Variants in MAD1L1 observed in about 807,000 individuals in gnomAD.
MAD1L1 encodes the protein mitotic arrest deficient 1 like 1, also known as mitotic spindle assembly checkpoint protein MAD1.
A neutral mutation model predicts 96.9 loss-of-function variants in MAD1L1; 95 were observed. That is an observed-to-expected ratio of 0.98 (90% CI 0.83 to 1.16). The LOEUF is 1.16. Among genes scored for constraint, MAD1L1 ranks in the 50% most tolerant of loss-of-function variants. The pLI, the probability that MAD1L1 is intolerant of heterozygous loss-of-function variation, is 0.00. For synonymous variants in MAD1L1, 473 were observed against 396.6 expected (o/e 1.19, Z -2.29); for missense variants, 1,007 against 954.4 (o/e 1.06, Z -0.73).
chr7:2,198,402 A>G (rs1010969317), intron 10 of MAD1L1, among the ~76,000 whole-genome samples: 1 of 151,418 alleles, frequency 6.6e-6, no homozygotes, highest in African/African-American at 2.4e-5. Context: ...CCAGGTACAC[A>G]CCCCCCTTCA....
At chr7:1,974,378 G>C (rs1029350364) in intron 15 of MAD1L1, among the ~76,000 whole-genome samples, 2 of 152,206 alleles carry the variant, frequency 1.3e-5, no homozygotes, top group Non-Finnish European at 2.9e-5. Context: ...CAGAAAAACA[G>C]CAACTTAGAG....
Position 2,105,938 on chromosome 7 carries a change from G to A in MAD1L1, c.1074-36600C>T, listed in dbSNP as rs572259541. Among the ~76,000 whole-genome samples, 180 of 151,576 alleles carry A rather than the reference G, an allele frequency of 1.2e-3. 1 individual carries two copies. The highest frequency in any genetic ancestry group is 4.0e-3 in the African/African-American group (164 of 41,222). On this transcript the variant is annotated intron_variant, in intron 11 of 18. Transcript: ENST00000265854. ...CAGTCCCAGAGCCCTATCCAGCTGC[G>A]GCCCCACAACCAAAGGGCACCAACA...
At chr7:2,120,444 C>T (rs1290139988) in intron 11 of MAD1L1, among the ~76,000 whole-genome samples, 2 of 152,232 alleles carry the variant, frequency 1.3e-5, no homozygotes, top group South Asian at 2.1e-4. Context: ...GGGGGCGCAG[C>T]CTTGGGGTCA....
intron 18 of MAD1L1, among the ~76,000 whole-genome samples, chr7:1,890,049 C>G (rs188802995): frequency 1.3e-5 from 2 of 152,244 alleles, no homozygotes; most frequent in African/African-American, 4.8e-5. Context: ...GCCTTCCTGG[C>G]CCCTCTCTAT....
chr7:2,099,048 G>A (rs1722384338), intron 11 of MAD1L1, among the ~76,000 whole-genome samples: 1 of 152,214 alleles, frequency 6.6e-6, no homozygotes, highest in Non-Finnish European at 1.5e-5. Context: ...TGACACGATG[G>A]GTGGCAAGGG....
At chr7:2,139,715 C>T (rs1016266370) in intron 11 of MAD1L1, among the ~76,000 whole-genome samples, 1 of 152,230 alleles carries the variant, frequency 6.6e-6, no homozygotes, top group African/African-American at 2.4e-5. Flanking sequence ...CTTCGGCAGA[C>T]CCCCGTCCAG....
At chr7:2,218,073 A>C (rs1176327488) in intron 6 of MAD1L1, 30 bp from the exon 7 acceptor site, 1 of 1,559,302 alleles carries the variant, frequency 6.4e-7, no homozygotes, top group Non-Finnish European at 8.8e-7. Flanking sequence ...TCACACACAG[A>C]AACAGGCATG....
intron 3 of MAD1L1, among the ~76,000 whole-genome samples, chr7:2,228,129 C>T (rs1029673090): frequency 2.0e-5 from 3 of 152,108 alleles, no homozygotes; most frequent in Admixed American, 1.3e-4. Context: ...CTCTGACTAC[C>T]GCACTCCATC....
intron 10 of MAD1L1, among the ~76,000 whole-genome samples, chr7:2,187,963 T>C (rs1384639401): frequency 2.0e-5 from 3 of 152,176 alleles, no homozygotes; most frequent in African/African-American, 7.2e-5. Context: ...TCTTAAAAAT[T>C]TGTATCTACC....
At chr7:1,858,035 C>T (rs143726470) in intron 18 of MAD1L1, among the ~76,000 whole-genome samples, 110 of 152,356 alleles carry the variant, frequency 7.2e-4, no homozygotes, top group African/African-American at 2.4e-3. Context: ...TTAATTATGA[C>T]GGAGTAAACA....
intron 18 of MAD1L1, chr7:1,847,820 G>A (rs1224970212): frequency 2.5e-6 from 1 of 406,102 alleles, no homozygotes; most frequent in Admixed American, 2.6e-5. Context: ...GCCGGCTCCA[G>A]GCCTCCACTT....
intron 17 of MAD1L1, among the ~76,000 whole-genome samples, chr7:1,906,542 A>T (rs772664452): frequency 2.0e-5 from 3 of 152,162 alleles, no homozygotes; most frequent in Non-Finnish European, 2.9e-5. Context: ...TGTTCTCCGC[A>T]TGCTCTTTTC....
chr7:1,818,160 G>A (rs1781925125), intron 18 of MAD1L1, among the ~76,000 whole-genome samples: 1 of 152,114 alleles, frequency 6.6e-6, no homozygotes, highest in African/African-American at 2.4e-5. Flanking sequence ...CAGAGGGGCT[G>A]ATTCTCCTGC....
chr7:2,146,884 G>T lies in MAD1L1; in HGVS notation c.1073+2268C>A, dbSNP rs572361906. On this transcript the variant is annotated intron_variant, in intron 11 of 18. Coordinates refer to ENST00000265854, the MANE Select transcript of MAD1L1 (RefSeq NM_001013836.2). The surrounding 1 kb of genome is among the most constrained non-coding windows in gnomAD (Gnocchi z 6.2). ...CGCGACGAACACGGTGTCCCGCCAC[G>T]GAAGAGAGCAGCAGCCCAGAGGCCA... Among the ~76,000 whole-genome samples the T allele has an allele frequency of 2.0e-5, 3 of 152,192 alleles. No homozygotes were observed. The highest frequency in any genetic ancestry group is 4.4e-5 in the Non-Finnish European group (3 of 68,028).
chr7:2,129,568 G>A (rs1788411606), intron 11 of MAD1L1, among the ~76,000 whole-genome samples: 1 of 152,214 alleles, frequency 6.6e-6, no homozygotes, highest in Non-Finnish European at 1.5e-5. Context: ...AACCCCAGGT[G>A]CCTCCCGTCA....
Position 1,928,322 on chromosome 7 carries a change from G to A in MAD1L1, c.1807+8365C>T, listed in dbSNP as rs192008520. Among the ~76,000 whole-genome samples, 402 of 151,028 alleles carry A rather than the reference G, an allele frequency of 2.7e-3. 1 individual carries two copies. Among genetic ancestry groups the A allele is most frequent in the African/African-American group, 6.3e-3 (258 of 40,970 alleles). On this transcript the variant is annotated intron_variant, in intron 17 of 18. Transcript: ENST00000265854. Reference sequence around the variant, plus strand: ...CTGACACTGCTCCCGACGACCCGCCGGTCCCTAGAGGAGCCCACGACGGAA... The same window carrying A: ...CTGACACTGCTCCCGACGACCCGCCAGTCCCTAGAGGAGCCCACGACGGAA...
At position 2,119,213 on chromosome 7, in the gene MAD1L1, G is replaced by C. The variant is rs1311254250; in HGVS notation, c.1073+29939C>G. On this transcript the variant is annotated intron_variant, in intron 11 of 18. Coordinates refer to ENST00000265854, the MANE Select transcript of MAD1L1 (RefSeq NM_001013836.2). This position sits in a 1 kb window ranked among gnomAD's most constrained non-coding sequence, Gnocchi z 4.6. ...CTACTGTGACATTTCTCCTGTCCCA[G>C]TGCCCTCCTCTCCCTCTCCATTATC... is the stretch of plus-strand genomic sequence containing the variant. Among the ~76,000 whole-genome samples the C allele has an allele frequency of 6.6e-6, 1 of 152,112 alleles. No individual in the cohort carries two copies.
intron 11 of MAD1L1, among the ~76,000 whole-genome samples, chr7:2,133,206 C>T (rs1361784429): frequency 5.9e-4 from 84 of 142,602 alleles, no homozygotes; most frequent in South Asian, 1.4e-3. Context: ...GTTCAGAGCT[C>T]ACCCATTTTC....
intron 10 of MAD1L1, among the ~76,000 whole-genome samples, chr7:2,209,162 G>C (rs1792757060): frequency 6.6e-6 from 1 of 152,158 alleles, no homozygotes; most frequent in Non-Finnish European, 1.5e-5. Flanking sequence ...TGACACATAA[G>C]GACCTCGTTC....
Sources: allele counts gnomAD v4.1 joint callset (sites outside exome capture counted in the v4.1 genomes callset), GRCh38; gene constraint gnomAD v4.1.1; non-coding constraint Gnocchi (gnomAD v3.1); transcripts MANE v1.5; gene names NCBI Gene and HGNC (gene_info 2026-07-23, HGNC 2026-07-21).